PEF1: variants seen among roughly 807,000 people sequenced by gnomAD.
PEF1 encodes peflin.
PEF1 carries 17 observed loss-of-function variants against 32.0 expected under a neutral mutation model. That is an observed-to-expected ratio of 0.53 (90% confidence interval 0.36 to 0.80). The LOEUF (loss-of-function observed/expected upper bound fraction) is 0.80. Ranked by LOEUF, PEF1 falls within the 30% of genes least tolerant of loss-of-function variation. The probability of loss-of-function intolerance (pLI) is 0.00; values close to 1 mark genes in which losing one functional copy is unlikely to be tolerated. For missense variants in PEF1, 362 were observed against 369.1 expected (o/e 0.98, Z 0.16); for synonymous variants, 130 against 139.8 (o/e 0.93, Z 0.50).
rs147722531 is a variant in PEF1, at chr1:31,632,611, C to A, written c.509G>T (p.Arg170Leu). Residue 170 changes from arginine (R) to leucine (L), a missense_variant, in exon 4 of 5, where the codon CGC (arginine) becomes CTC (leucine). By Grantham distance (102) the Arg-to-Leu change is moderately radical. Transcript: ENST00000373703. ...INMFDKTKSG[R>L]IDVYGFSALW... ...GGCTGAGAAGCCGTAGACATCGATG[C>A]GGCCTGACTTGGTCTTGTCAAACAT... 4.3e-6 allele frequency: 7 copies of A among 1,614,074 alleles called. No individual in the cohort carries two copies. The highest frequency in any genetic ancestry group is 4.0e-5 in the African/African-American group (3 of 75,024).
At position 31,644,858 on chromosome 1, in the gene PEF1, T is replaced by A. The variant is rs764113135; in HGVS notation, c.7A>T (p.Ser3Cys). Residue 3 changes from serine to cysteine, a missense_variant, in exon 1 of 5, where the codon AGC (serine) becomes TGC (cysteine). Physicochemically the swap from Ser to Cys is moderately radical, Grantham distance 112. Transcript: ENST00000373703. MASYPYRQGCPGA... is the reference protein window; with the variant it reads MACYPYRQGCPGA... The stretch of plus-strand genomic sequence containing the variant: ...ACACTCACCTGCCGGTAAGGATAGC[T>A]GGCCATGGTGATTCTGACGTCACAC... The A allele has an allele frequency of 4.3e-6, 7 of 1,613,956 alleles. No homozygotes were observed. The highest frequency in any genetic ancestry group is 5.1e-6 in the Non-Finnish European group (6 of 1,179,896).
chr1:31,630,239 A>G lies in PEF1; in HGVS notation c.*374T>C. On this transcript the variant is annotated 3_prime_UTR_variant, in exon 5 of 5. Coordinates refer to ENST00000373703, the MANE Select transcript of PEF1 (RefSeq NM_012392.4). ...ACAGGATGGCCTGGTGAGGGAACAC[A>G]GGTACTAACGGTAACAGGCCGATGA... 3.6e-6 allele frequency: 1 copy of G among 277,576 alleles called. No homozygotes were observed. Among genetic ancestry groups the G allele is most frequent in the East Asian group, 8.1e-5 (1 of 12,364 alleles). The allele number at this position is 277,576 out of a possible 1,614,324, so 17.2% of individuals were successfully genotyped here. A position where few individuals can be genotyped will look rare whatever the true frequency, so the allele number is the denominator to read the frequency against.
intron 1 of PEF1, among the ~76,000 whole-genome samples, chr1:31,638,566 C>T (rs1022217016): frequency 2.0e-5 from 3 of 152,188 alleles, no homozygotes; most frequent in Admixed American, 6.5e-5. Context: ...AGGAAACCAC[C>T]TATAAACCAC....
At chr1:31,644,564 G>A in intron 1 of PEF1, 2 of 1,408,686 alleles carry the variant, frequency 1.4e-6, no homozygotes, top group South Asian at 1.5e-5. Flanking sequence ...GTGGAGCCCA[G>A]GCCAGCGCCA....
intron 2 of PEF1, among the ~76,000 whole-genome samples, chr1:31,633,675 G>C (rs992939355): frequency 6.6e-6 from 1 of 152,212 alleles, no homozygotes; most frequent in African/African-American, 2.4e-5. Flanking sequence ...TGTAGAAGTG[G>C]CCAGGCACAG....
intron 1 of PEF1, among the ~76,000 whole-genome samples, chr1:31,636,398 C>A (rs1407556376): frequency 6.6e-6 from 1 of 152,086 alleles, no homozygotes; most frequent in Non-Finnish European, 1.5e-5. Flanking sequence ...ATCACCTGAG[C>A]CTGGGGAGGT....
At position 31,644,540 on chromosome 1, in the gene PEF1, G is replaced by A. The variant is rs1266280232; in HGVS notation, c.24+301C>T. 4 of 1,375,118 alleles carry A rather than the reference G, an allele frequency of 2.9e-6. No homozygotes were observed. The African/African-American group carries it at 4.4e-5, about 15-fold the overall frequency. The allele number at this position is 1,375,118 out of a possible 1,614,324, so 85.2% of individuals were successfully genotyped here. A position where few individuals can be genotyped will look rare whatever the true frequency, so the allele number is the denominator to read the frequency against. ...TGCCCCCGCCCAAGGCCCCCATGAGGGCCTTGGGAGGCTGTGGAGCCCAGG... is the reference window on the plus strand; with the variant it reads ...TGCCCCCGCCCAAGGCCCCCATGAGAGCCTTGGGAGGCTGTGGAGCCCAGG... On this transcript the variant is annotated intron_variant, in intron 1 of 4. Transcript: ENST00000373703.
Position 31,633,313 on chromosome 1 carries a change from A to C in PEF1, c.327T>G (p.Gly109=), listed in dbSNP as rs1161557182. ...GAQQPGLYGQ[G]GAPPNVDPEA... ...CAGGATCCACATTGGGAGGGGCGCC[A>C]CCTGGAGGAAGGGGTGTGAAGGCCA... is the stretch of plus-strand genomic sequence containing the variant. Residue 109 remains glycine, a splice_region_variant and synonymous_variant, in exon 3 of 5, where the codon GGT becomes GGG. Transcript: ENST00000373703. 6.2e-7 allele frequency: 1 copy of C among 1,610,400 alleles called. No homozygotes were observed. The highest frequency in any genetic ancestry group is 2.2e-5 in the East Asian group (1 of 44,772).
At chr1:31,640,076 G>A (rs979265290) in intron 1 of PEF1, among the ~76,000 whole-genome samples, 3 of 152,172 alleles carry the variant, frequency 2.0e-5, no homozygotes, top group African/African-American at 7.2e-5. Context: ...GGAAGGACAG[G>A]AAGAGTTCAG....
intron 4 of PEF1, among the ~76,000 whole-genome samples, chr1:31,631,487 G>T (rs10798880): frequency 0.54 from 81,643 of 151,840 alleles, 23,045 homozygotes; most frequent in Non-Finnish European, 0.62. Context: ...CCTCTGTTCA[G>T]AACTTACCAG....
rs1640164194 is a variant in PEF1, at chr1:31,633,257, G to A, written c.383C>T (p.Ser128Leu). The A allele has an allele frequency of 3.7e-6, 6 of 1,614,080 alleles. No individual in the cohort carries two copies. Among genetic ancestry groups the A allele is most frequent in the South Asian group, 1.1e-5 (1 of 91,042 alleles). Residue 128 changes from serine (S) to leucine (L), a missense_variant, in exon 3 of 5, where the codon TCA becomes TTA. Coordinates refer to ENST00000373703, the MANE Select transcript of PEF1 (RefSeq NM_012392.4). Reference protein sequence around the residue: ...EAYSWFQSVDSDHSGYISMKE... With the variant: ...EAYSWFQSVDLDHSGYISMKE... ...CATGGAGATATAGCCACTGTGATCT[G>A]AGTCCACCGACTGGAACCAGGAGTA...
chr1:31,631,153 C>G (rs1366333005), intron 4 of PEF1, among the ~76,000 whole-genome samples: 1 of 152,188 alleles, frequency 6.6e-6, no homozygotes, highest in Non-Finnish European at 1.5e-5. Flanking sequence ...GATTCGTTTG[C>G]ATTCCAAAAG....
chr1:31,643,950 C>T (rs1473652768), intron 1 of PEF1: 2 of 152,206 alleles, frequency 1.3e-5, no homozygotes, highest in Non-Finnish European at 2.9e-5. Flanking sequence ...TTACACCTCA[C>T]TATGTACCAA....
Position 31,635,233 on chromosome 1 carries a change from AGCCCAGGC to A in PEF1, c.306_313del (p.Gln102HisfsTer14). ...AGATTACTACTTACCCTGTCCATAA[AGCCCAGGC>A]TGCTGGGCACCGTAGGAACTTGGAG... On this transcript the variant is annotated frameshift_variant, in exon 2 of 5. Transcript: ENST00000373703. LOFTEE classifies it high-confidence loss of function. 1.2e-6 allele frequency: 2 copies of A among 1,614,046 alleles called. No individual in the cohort carries two copies. The highest frequency in any genetic ancestry group is 1.7e-6 in the Non-Finnish European group (2 of 1,179,964).
rs1640067938 is a variant in PEF1 at position 31,630,605 on chromosome 1, T to A, written c.*8A>T. The A allele has an allele frequency of 6.2e-7, 1 of 1,611,416 alleles. No individual in the cohort carries two copies. Among genetic ancestry groups the A allele is most frequent in the African/African-American group, 1.3e-5 (1 of 74,970 alleles). ...CCTGGTGCACTCCACTCTCCACAGATGGTTGGGTCATAGCATCCGAGAAGC... is the reference window on the plus strand; with the variant it reads ...CCTGGTGCACTCCACTCTCCACAGAAGGTTGGGTCATAGCATCCGAGAAGC... On this transcript the variant is annotated 3_prime_UTR_variant, in exon 5 of 5. Transcript: ENST00000373703.
At chr1:31,632,767 GGCCCAGAT>G (rs1186628209) in intron 3 of PEF1, 129 bp from the exon 4 acceptor site, 2 of 1,116,486 alleles carry the variant, frequency 1.8e-6, no homozygotes, top group Non-Finnish European at 2.5e-6. Context: ...CAAGCCCTGA[GGCCCAGAT>G]GCCTGCACCT....
In PEF1 at chr1:31,644,857, C is replaced by T; in HGVS notation, c.8G>A (p.Ser3Asn). Residue 3 changes from serine to asparagine, a missense_variant, in exon 1 of 5, where the codon AGC (serine) becomes AAC (asparagine). Coordinates refer to ENST00000373703, the MANE Select transcript of PEF1 (RefSeq NM_012392.4). MASYPYRQGCPGA... is the reference protein window; with the variant it reads MANYPYRQGCPGA... Reference sequence around the variant, plus strand: ...CACACTCACCTGCCGGTAAGGATAGCTGGCCATGGTGATTCTGACGTCACA... The same window carrying T: ...CACACTCACCTGCCGGTAAGGATAGTTGGCCATGGTGATTCTGACGTCACA... The T allele has an allele frequency of 6.2e-7, 1 of 1,613,948 alleles. No homozygotes were observed. The highest frequency in any genetic ancestry group is 8.5e-7 in the Non-Finnish European group (1 of 1,179,882).
Position 31,630,811 on chromosome 1 carries a change from G to C in PEF1, c.657C>G (p.Pro219=). The change falls in exon 5 of 5, where the codon CCC becomes CCG. Residue 219 remains proline (P), a synonymous_variant. Transcript: ENST00000373703. ...GGGAGACCAGAAGCTGGGTGAACTG[G>C]GGGCTCAGGTTGTAGCCCATTTGGG... ...ALSQMGYNLS[P]QFTQLLVSRY... 6.2e-7 allele frequency: 1 copy of C among 1,612,184 alleles called. No individual in the cohort carries two copies. Among genetic ancestry groups the C allele is most frequent in the Non-Finnish European group, 8.5e-7 (1 of 1,179,992 alleles).
intron 1 of PEF1, among the ~76,000 whole-genome samples, chr1:31,643,365 CT>C (rs1336004677): frequency 6.6e-6 from 1 of 152,156 alleles, no homozygotes; most frequent in Non-Finnish European, 1.5e-5. Context: ...CTACAGAATC[CT>C]CCTATATTAA....
Sources: gnomAD v4.1 joint callset for allele counts (sites outside exome capture counted in the v4.1 genomes callset) on GRCh38, gnomAD v4.1.1 for gene constraint, MANE v1.5 for transcripts, NCBI Gene and HGNC (gene_info 2026-07-23, HGNC 2026-07-21) for gene names.